ROBO2: variants seen among roughly 807,000 people sequenced by gnomAD.
ROBO2 encodes the protein roundabout guidance receptor 2, also known as roundabout homolog 2.
ROBO2 carries 53 observed loss-of-function variants against 160.8 expected under a neutral mutation model. The ratio of observed to expected loss-of-function variants is 0.33; its 90% CI spans 0.26 to 0.41. The LOEUF is 0.41. Among genes scored for constraint, ROBO2 ranks in the 10% least tolerant of loss-of-function variants. The probability of loss-of-function intolerance (pLI) is 1.00; values close to 1 mark genes in which losing one functional copy is unlikely to be tolerated. For missense variants in ROBO2, 1,577 were observed against 1,722.4 expected, an observed-to-expected ratio of 0.92 and a Z score of 1.49; for synonymous variants, 664 against 611.7, an observed-to-expected ratio of 1.09 and a Z score of -1.26.
intron 2 of ROBO2, among the ~76,000 whole-genome samples, chr3:76,499,225 A>G (rs2080328435): frequency 6.6e-6 from 1 of 152,162 alleles, no homozygotes; most frequent in Non-Finnish European, 1.5e-5. Flanking sequence ...TCTCCGCAAC[A>G]TAAGGCTTTG....
chr3:76,731,943 G>C (rs1017363713), intron 2 of ROBO2, among the ~76,000 whole-genome samples: 12 of 152,000 alleles, frequency 7.9e-5, no homozygotes, highest in Non-Finnish European at 1.6e-4. Flanking sequence ...TCTACTATGA[G>C]CCAATATTGC....
intron 2 of ROBO2, among the ~76,000 whole-genome samples, chr3:76,910,744 AG>A (rs34248656): frequency 0.088 from 5,584 of 63,570 alleles, 688 homozygotes; most frequent in South Asian, 0.19. Flanking sequence ...AAAAAAAAAA[AG>A]AAAAAAAAAG....
intron 2 of ROBO2, among the ~76,000 whole-genome samples, chr3:76,289,883 G>T (rs1006552018): frequency 1.3e-5 from 2 of 152,102 alleles, no homozygotes; most frequent in African/African-American, 2.4e-5. Context: ...ATGCTGTTTT[G>T]GTTACTGTAG....
chr3:76,209,668 G>A (rs963272794), intron 2 of ROBO2, among the ~76,000 whole-genome samples: 2 of 152,042 alleles, frequency 1.3e-5, no homozygotes. Context: ...AATATTCTAG[G>A]CATAGGATGT....
chr3:77,033,711 T>C (rs1473236204), intron 2 of ROBO2, among the ~76,000 whole-genome samples: 1 of 151,984 alleles, frequency 6.6e-6, no homozygotes, highest in Non-Finnish European at 1.5e-5. Context: ...TACAGATGAG[T>C]AATCTTAGAA....
intron 2 of ROBO2, among the ~76,000 whole-genome samples, chr3:76,792,839 G>T (rs1227247220): frequency 6.6e-6 from 1 of 151,572 alleles, no homozygotes; most frequent in South Asian, 2.1e-4. Context: ...CTAAAATGAG[G>T]CTCAATAATA....
chr3:76,553,643 A>G (rs1355064001), intron 2 of ROBO2, among the ~76,000 whole-genome samples: 1 of 152,174 alleles, frequency 6.6e-6, no homozygotes, highest in Non-Finnish European at 1.5e-5. Context: ...AATTATCAAA[A>G]TAAATCTGTG....
At chr3:76,600,502 T>C (rs957795446) in intron 2 of ROBO2, among the ~76,000 whole-genome samples, 1 of 152,134 alleles carries the variant, frequency 6.6e-6, no homozygotes, top group Non-Finnish European at 1.5e-5. Flanking sequence ...CTCACAGTCA[T>C]GGCCAAAGGT....
chr3:77,613,032 GTTAA>G (rs2094685372), intron 21 of ROBO2, among the ~76,000 whole-genome samples: 1 of 152,104 alleles, frequency 6.6e-6, no homozygotes, highest in Non-Finnish European at 1.5e-5. Context: ...ATATGTTTTA[GTTAA>G]TTAATGCATT....
At chr3:76,563,920 A>G (rs2084355167) in intron 2 of ROBO2, among the ~76,000 whole-genome samples, 1 of 152,228 alleles carries the variant, frequency 6.6e-6, no homozygotes, top group African/African-American at 2.4e-5. Context: ...TTAAAATTCA[A>G]GTAAGATCTA....
chr3:77,287,618 T>G (rs2060698655), intron 2 of ROBO2, among the ~76,000 whole-genome samples: 1 of 152,168 alleles, frequency 6.6e-6, no homozygotes, highest in Admixed American at 6.6e-5. Flanking sequence ...AGCAAGTAGC[T>G]TTATATGTGG....
chr3:76,829,334 T>C (rs535380249), intron 2 of ROBO2, among the ~76,000 whole-genome samples: 25 of 152,320 alleles, frequency 1.6e-4, no homozygotes, highest in African/African-American at 6.0e-4. Flanking sequence ...CCTAGTAGCA[T>C]TGGATAAAAT....
intron 13 of ROBO2, among the ~76,000 whole-genome samples, chr3:77,571,363 C>T (rs1185194310): frequency 6.6e-6 from 1 of 152,012 alleles, no homozygotes; most frequent in Non-Finnish European, 1.5e-5. Flanking sequence ...ACATATAAGC[C>T]GTCTTCTTTT....
chr3:76,347,808 G>A (rs1248439314), intron 2 of ROBO2, among the ~76,000 whole-genome samples: 1 of 152,040 alleles, frequency 6.6e-6, no homozygotes, highest in East Asian at 1.9e-4. Flanking sequence ...TGCAGTGTCT[G>A]TTGTGAATTT....
chr3:77,623,974 CTGCCTGA>C (rs2094953751), intron 23 of ROBO2, among the ~76,000 whole-genome samples: 1 of 152,162 alleles, frequency 6.6e-6, no homozygotes, highest in Non-Finnish European at 1.5e-5. Flanking sequence ...ACATGTTAGG[CTGCCTGA>C]TGTGACTGCA....
In ROBO2 at chr3:77,262,720, T is replaced by A. The variant is rs137857873; in HGVS notation, c.388+164380T>A. Among the ~76,000 whole-genome samples, 1,509 of 152,224 alleles carry A rather than the reference T, an allele frequency of 9.9e-3. 21 individuals carry two copies. Among genetic ancestry groups the A allele is most frequent in the African/African-American group, 0.033 (1,361 of 41,528 alleles). ...AAAATCCCTGAAAGCTACTGGAAAG[T>A]CATACATATGTTAAATTTGGTCATT... On this transcript the variant is annotated intron_variant, in intron 2 of 25. Coordinates refer to ENST00000461745, the Ensembl canonical transcript of ROBO2.
intron 2 of ROBO2, among the ~76,000 whole-genome samples, chr3:76,757,119 C>T (rs2061020008): frequency 6.6e-6 from 1 of 151,730 alleles, no homozygotes; most frequent in African/African-American, 2.4e-5. Flanking sequence ...CATACACCAG[C>T]TCAGTAAGCA....
chr3:76,412,531 G>A (rs964146570), intron 2 of ROBO2, among the ~76,000 whole-genome samples: 7 of 152,182 alleles, frequency 4.6e-5, no homozygotes, highest in Non-Finnish European at 4.4e-5. Context: ...TGCAATGGGA[G>A]CACAGGTATC....
intron 25 of ROBO2, 53 bp downstream of exon 27, chr3:77,644,957 T>C (rs958846356): frequency 1.3e-6 from 2 of 1,545,298 alleles, no homozygotes; most frequent in African/African-American, 1.4e-5. Context: ...GAATCTTGGG[T>C]TAATAACATT....
Sources: gnomAD v4.1 joint callset for allele counts (sites outside exome capture counted in the v4.1 genomes callset) on GRCh38, gnomAD v4.1.1 for gene constraint, MANE v1.5 for transcripts, NCBI Gene and HGNC (gene_info 2026-07-23, HGNC 2026-07-21) for gene names.